SLC12A2: variants seen among roughly 807,000 people sequenced by gnomAD.
SLC12A2 encodes the protein solute carrier family 12 member 2.
In SLC12A2, 67 loss-of-function variants were observed where a neutral mutation model predicts 136.3. The ratio of observed to expected loss-of-function variants is 0.49; its 90% CI spans 0.40 to 0.60. The LOEUF (loss-of-function observed/expected upper bound fraction) is 0.60. SLC12A2 is among the 20% of genes least tolerant of loss of function. SLC12A2 has a pLI of 0.00. For synonymous variants in SLC12A2, 619 were observed against 562.9 expected (o/e 1.10, Z -1.41); for missense variants, 1,322 against 1,534.7 (o/e 0.86, Z 2.32).
At position 128,092,942 on chromosome 5, in the gene SLC12A2, C is replaced by T. The variant is rs74555060; in HGVS notation, c.756+8232C>T. Among the ~76,000 whole-genome samples, 836 of 152,272 alleles carry T rather than the reference C, an allele frequency of 5.5e-3. 3 individuals are homozygous for T. The highest frequency in any genetic ancestry group is 0.024 in the Middle Eastern group (7 of 294). On this transcript the variant is annotated intron_variant, in intron 1 of 26. Transcript: ENST00000262461. ...AAAGCGGAATATTTTATTTAACTCT[C>T]ATTCCTTTCCAGGTACAAGCTCTTT...
chr5:128,100,620 A>C (rs1379080852), intron 1 of SLC12A2, among the ~76,000 whole-genome samples: 1 of 152,154 alleles, frequency 6.6e-6, no homozygotes, highest in East Asian at 1.9e-4. Context: ...TATCTTATGT[A>C]TCCAGGTGTA....
intron 23 of SLC12A2, among the ~76,000 whole-genome samples, chr5:128,181,788 C>T (rs983397819): frequency 6.6e-6 from 1 of 152,086 alleles, no homozygotes; most frequent in Non-Finnish European, 1.5e-5. Context: ...TCTAAACATG[C>T]ATGTGACTTC....
intron 4 of SLC12A2, among the ~76,000 whole-genome samples, chr5:128,127,430 C>CT (rs1245262936): frequency 3.3e-5 from 5 of 151,916 alleles, no homozygotes; most frequent in Non-Finnish European, 5.9e-5. Context: ...CTGGAATTTT[C>CT]TTTTTTTATA....
At chr5:128,093,262 C>T (rs530315300) in intron 1 of SLC12A2, among the ~76,000 whole-genome samples, 5 of 152,102 alleles carry the variant, frequency 3.3e-5, no homozygotes, top group East Asian at 1.9e-4. Flanking sequence ...CTTTCAGCCT[C>T]GCATCCTTTG....
intron 5 of SLC12A2, among the ~76,000 whole-genome samples, chr5:128,133,651 T>G (rs1354474548): frequency 1.3e-5 from 2 of 152,034 alleles, no homozygotes; most frequent in Non-Finnish European, 2.9e-5. Flanking sequence ...AATCTTTAAT[T>G]TTATCCTAGA....
In SLC12A2 at chr5:128,188,834, A is replaced by C. The variant is rs903202993; in HGVS notation, c.*2203A>C. The stretch of plus-strand genomic sequence containing the variant: ...GGTAAAGACAGTAGAAATATTATTC[A>C]GTAAACAATAATGTGTGAACTTTTA... On this transcript the variant is annotated 3_prime_UTR_variant, in exon 27 of 27. Coordinates refer to ENST00000262461, the MANE Select transcript of SLC12A2 (RefSeq NM_001046.3). 1.3e-5 allele frequency: 2 copies of C among 152,386 alleles called. No homozygotes were observed. The highest frequency in any genetic ancestry group is 4.8e-5 in the African/African-American group (2 of 41,366). 9.4% of individuals were successfully genotyped at this position (152,386 alleles called of 1,614,324 possible).
chr5:128,163,598 AAT>A (rs1369735114), intron 17 of SLC12A2, among the ~76,000 whole-genome samples: 2 of 152,188 alleles, frequency 1.3e-5, no homozygotes, highest in African/African-American at 2.4e-5. Flanking sequence ...AACAACCATC[AAT>A]CACAGAAATG....
At chr5:128,113,079 G>C in intron 2 of SLC12A2, 146 bp downstream of exon 2, 1 of 562,524 alleles carries the variant, frequency 1.8e-6, no homozygotes, top group Non-Finnish European at 2.8e-6. Flanking sequence ...CAAATTAATA[G>C]CTTGTACCTC....
intron 15 of SLC12A2, among the ~76,000 whole-genome samples, chr5:128,153,020 TGGG>T (rs1762754053): frequency 6.6e-6 from 1 of 152,176 alleles, no homozygotes; most frequent in Non-Finnish European, 1.5e-5. Context: ...TTTTAAATGA[TGGG>T]TATGATAAAG....
chr5:128,147,170 G>A (rs1044113532), intron 10 of SLC12A2, among the ~76,000 whole-genome samples: 2 of 144,898 alleles, frequency 1.4e-5, no homozygotes, highest in African/African-American at 5.2e-5. Flanking sequence ...ATGCTGACTT[G>A]CCTTTTTTGT....
chr5:128,119,993 A>G (rs1761494361), intron 4 of SLC12A2, among the ~76,000 whole-genome samples: 1 of 152,078 alleles, frequency 6.6e-6, no homozygotes, highest in Non-Finnish European at 1.5e-5. Context: ...ATCTACAATG[A>G]ACTCAAACAA....
intron 4 of SLC12A2, 43 bp downstream of exon 4, chr5:128,114,724 A>C (rs1016447133): frequency 8.6e-7 from 1 of 1,160,140 alleles, no homozygotes; most frequent in African/African-American, 1.5e-5. Context: ...GATTACTCTT[A>C]CTAAACAGAG....
At chr5:128,138,368 G>A (rs1314586041) in intron 7 of SLC12A2, among the ~76,000 whole-genome samples, 1 of 152,046 alleles carries the variant, frequency 6.6e-6, no homozygotes, top group Non-Finnish European at 1.5e-5. Context: ...AATTAGCGAG[G>A]TATACAAAAA....
rs953577715 is a variant in SLC12A2, at chr5:128,110,792, T to C, written c.757-2022T>C. ...GATCACAATGAAGAGGCCAAAAAGA[T>C]AGCAAAAGCAGGACAAGAATTTGCA... On this transcript the variant is annotated intron_variant, in intron 1 of 26. Transcript: ENST00000262461. The C allele has an allele frequency of 1.6e-5, 24 of 1,477,566 alleles. 1 individual carries two copies. The South Asian group carries it at 2.2e-4, about 13-fold the overall frequency. The allele number at this position is 1,477,566 out of a possible 1,614,324, so 91.5% of individuals were successfully genotyped here. A position where few individuals can be genotyped will look rare whatever the true frequency, so the allele number is the denominator to read the frequency against.
chr5:128,130,655 G>C (rs736969), intron 4 of SLC12A2, among the ~76,000 whole-genome samples: 52,459 of 151,694 alleles, frequency 0.35, 11,676 homozygotes, highest in African/African-American at 0.63. Flanking sequence ...GCACTTCAGC[G>C]TGGGCGACAG....
chr5:128,110,574 G>A (rs1462273111), intron 1 of SLC12A2: 2 of 1,167,424 alleles, frequency 1.7e-6, no homozygotes, highest in Non-Finnish European at 2.6e-6. Flanking sequence ...TCAAGCATAA[G>A]TATCAAATAA....
rs746240313 is a variant in SLC12A2 at position 128,112,903 on chromosome 5, C to T, written c.846C>T (p.Val282=). 23 of 1,612,488 alleles carry T rather than the reference C, an allele frequency of 1.4e-5. No individual in the cohort carries two copies. In the East Asian group the frequency reaches 2.5e-4, roughly 17 times the overall value. The part of the protein sequence containing the change: ...VVTYTAESKG[V]VKFGWIKGVL... ...CGTATACTGCAGAAAGTAAAGGAGTCGTGAAGTTTGGCTGGATCAAGGGTG... is the reference window on the plus strand; with the variant it reads ...CGTATACTGCAGAAAGTAAAGGAGTTGTGAAGTTTGGCTGGATCAAGGGTG... Residue 282 remains valine, a synonymous_variant, in exon 2 of 27, where the codon GTC becomes GTT. Coordinates refer to ENST00000262461, the MANE Select transcript of SLC12A2 (RefSeq NM_001046.3).
At chr5:128,181,113 A>C in intron 23 of SLC12A2, 119 bp downstream of exon 23, 1 of 695,960 alleles carries the variant, frequency 1.4e-6, no homozygotes, top group South Asian at 1.8e-5. Context: ...TTTGTTCTTT[A>C]CTGAAGTTAA....
At chr5:128,111,934 T>C (rs998756329) in intron 1 of SLC12A2, among the ~76,000 whole-genome samples, 3 of 152,108 alleles carry the variant, frequency 2.0e-5, no homozygotes, top group African/African-American at 7.2e-5. Context: ...ATCTGAAATA[T>C]AGCCACATTA....
Sources: allele counts gnomAD v4.1 joint callset (sites outside exome capture counted in the v4.1 genomes callset), GRCh38; gene constraint gnomAD v4.1.1; transcripts MANE v1.5; gene names NCBI Gene and HGNC (gene_info 2026-07-23, HGNC 2026-07-21).